WWOX: variants seen among roughly 807,000 people sequenced by gnomAD.
The protein encoded by WWOX is WW domain containing oxidoreductase, also known as WW domain-containing oxidoreductase.
Under a neutral mutation model 46.2 loss-of-function variants are expected in WWOX, and 69 were observed. The ratio of observed to expected loss-of-function variants is 1.49; its 90% confidence interval spans 1.23 to 1.82. The LOEUF (loss-of-function observed/expected upper bound fraction) is 1.82, where lower values mean the gene tolerates loss of function less well. Among genes scored for constraint, WWOX ranks in the 40% most tolerant of loss-of-function variants. The pLI is 0.00. For missense variants in WWOX, 919 were observed against 542.6 expected, an observed-to-expected ratio of 1.69 and a Z score of -6.89; for synonymous variants, 359 against 202.6, an observed-to-expected ratio of 1.77 and a Z score of -6.56.
At chr16:78,815,552 T>C (rs2051307298) in intron 8 of WWOX, among the ~76,000 whole-genome samples, 1 of 152,156 alleles carries the variant, frequency 6.6e-6, no homozygotes, top group African/African-American at 2.4e-5. Flanking sequence ...TCTCAGACCA[T>C]GATGACCTCC....
At chr16:79,040,807 G>C (rs12325019) in intron 8 of WWOX, among the ~76,000 whole-genome samples, 8,061 of 152,044 alleles carry the variant, frequency 0.053, 281 homozygotes, top group South Asian at 0.15. Context: ...CTTGTCCGGA[G>C]AGCTCGGGGA....
intron 8 of WWOX, among the ~76,000 whole-genome samples, chr16:79,099,086 G>C (rs752445652): frequency 1.3e-5 from 2 of 152,148 alleles, no homozygotes; most frequent in African/African-American, 4.8e-5. Context: ...CAGAGAGGAA[G>C]CAAGAGAGAA....
chr16:78,617,321 G>C lies in WWOX; in HGVS notation c.1056+184569G>C, dbSNP rs189029180. On this transcript the variant is annotated intron_variant, in intron 8 of 8. Transcript: ENST00000566780. ...GGAGGCTGAGGTGGAAGGATCACTT[G>C]AGCCCAGGAGGCAGAGGTTGCAGTG... is the stretch of plus-strand genomic sequence containing the variant. Among the ~76,000 whole-genome samples, 453 of 151,254 alleles carry C rather than the reference G, an allele frequency of 3.0e-3. 2 individuals are homozygous for C. Among genetic ancestry groups the C allele is most frequent in the African/African-American group, 0.011 (435 of 41,168 alleles).
At chr16:78,984,043 A>T (rs2046736407) in intron 8 of WWOX, among the ~76,000 whole-genome samples, 1 of 150,672 alleles carries the variant, frequency 6.6e-6, no homozygotes, top group Non-Finnish European at 1.5e-5. Context: ...ATGCCCGGCT[A>T]TTTTTTTTGT....
chr16:78,162,837 A>G (rs1478519147), intron 4 of WWOX, among the ~76,000 whole-genome samples: 1 of 151,346 alleles, frequency 6.6e-6, no homozygotes, highest in African/African-American at 2.4e-5. Flanking sequence ...TTGTTAACTT[A>G]TTTTGTAGTT....
intron 8 of WWOX, among the ~76,000 whole-genome samples, chr16:78,782,659 T>C (rs1198309233): frequency 6.6e-6 from 1 of 151,436 alleles, no homozygotes; most frequent in Non-Finnish European, 1.5e-5. Context: ...GTCTTTCTTT[T>C]CTATATCTTT....
At chr16:78,178,056 C>T (rs1240455390) in intron 5 of WWOX, among the ~76,000 whole-genome samples, 2 of 152,190 alleles carry the variant, frequency 1.3e-5, no homozygotes, top group Admixed American at 6.5e-5. Context: ...TTATCTGCAA[C>T]CCTGTGTTAG....
intron 8 of WWOX, among the ~76,000 whole-genome samples, chr16:78,801,057 C>CT (rs879409458): frequency 2.9e-3 from 422 of 145,706 alleles, no homozygotes; most frequent in Middle Eastern, 7.4e-3. Context: ...CTCTCTACCT[C>CT]TTTTTTTTTT....
chr16:79,174,576 A>G (rs907062853), intron 8 of WWOX, among the ~76,000 whole-genome samples: 2 of 152,192 alleles, frequency 1.3e-5, no homozygotes, highest in African/African-American at 4.8e-5. Flanking sequence ...TGAACCTGGG[A>G]GACAGAGGTT....
At chr16:78,432,181 A>G (rs908700663) in intron 7 of WWOX, among the ~76,000 whole-genome samples, 1 of 151,270 alleles carries the variant, frequency 6.6e-6, no homozygotes, top group Non-Finnish European at 1.5e-5. Context: ...GCAGTGGCAC[A>G]ATCTTTGCTC....
At chr16:78,645,769 G>C (rs1358344776) in intron 8 of WWOX, among the ~76,000 whole-genome samples, 1 of 152,166 alleles carries the variant, frequency 6.6e-6, no homozygotes, top group East Asian at 1.9e-4. Context: ...TTCAACATGA[G>C]ATTTGGAAGC....
At chr16:78,752,639 G>T (rs564044710) in intron 8 of WWOX, among the ~76,000 whole-genome samples, 1 of 152,282 alleles carries the variant, frequency 6.6e-6, no homozygotes, top group East Asian at 1.9e-4. Flanking sequence ...TTCAAATCAT[G>T]ATAAAATTCT....
intron 8 of WWOX, among the ~76,000 whole-genome samples, chr16:78,540,016 TCTCTCACACACACACACACA>T (rs1435046558): frequency 8.3e-6 from 1 of 120,722 alleles, no homozygotes; most frequent in African/African-American, 2.8e-5. Flanking sequence ...TCTCTCTCTC[TCTCTCACACACACACACACA>T]CACACACACA....
At chr16:78,258,019 T>C (rs1233721478) in intron 5 of WWOX, among the ~76,000 whole-genome samples, 4 of 152,212 alleles carry the variant, frequency 2.6e-5, no homozygotes, top group African/African-American at 9.6e-5. Context: ...GCTCATACTG[T>C]ATGTAAGTAT....
intron 6 of WWOX, among the ~76,000 whole-genome samples, chr16:78,410,033 T>C (rs978148911): frequency 5.3e-5 from 8 of 152,212 alleles, no homozygotes; most frequent in African/African-American, 1.9e-4. Flanking sequence ...ATTTGGATCA[T>C]GGGGGTGGAA....
chr16:79,161,813 G>A (rs560583929), intron 8 of WWOX, among the ~76,000 whole-genome samples: 3 of 152,296 alleles, frequency 2.0e-5, no homozygotes, highest in East Asian at 1.9e-4. Context: ...GCCACCTCAC[G>A]TGGTTGAGAT....
At chr16:79,066,812 A>C (rs560173654) in intron 8 of WWOX, among the ~76,000 whole-genome samples, 2 of 152,268 alleles carry the variant, frequency 1.3e-5, no homozygotes, top group East Asian at 3.9e-4. Context: ...TACCATACAA[A>C]TGTGGCTTGT....
chr16:78,626,525 C>T (rs975781498), intron 8 of WWOX, among the ~76,000 whole-genome samples: 5 of 152,144 alleles, frequency 3.3e-5, no homozygotes, highest in Admixed American at 1.3e-4. Flanking sequence ...GTTTTCATCA[C>T]ATCGTATCAA....
chr16:78,741,017 G>A (rs1334769027), intron 8 of WWOX, among the ~76,000 whole-genome samples: 1 of 152,072 alleles, frequency 6.6e-6, no homozygotes, highest in South Asian at 2.1e-4. Context: ...GATACACCAC[G>A]ATGATCCACT....
Sources: gnomAD v4.1 joint callset for allele counts (sites outside exome capture counted in the v4.1 genomes callset) on GRCh38, gnomAD v4.1.1 for gene constraint, MANE v1.5 for transcripts, NCBI Gene and HGNC (gene_info 2026-07-23, HGNC 2026-07-21) for gene names.